Variants in RMND5A observed in about 807,000 individuals in gnomAD.
RMND5A encodes the protein required for meiotic nuclear division 5 homolog A.
Under a neutral mutation model 49.7 loss-of-function variants are expected in RMND5A, and 17 were observed. The ratio of observed to expected loss-of-function variants is 0.34; its 90% confidence interval spans 0.23 to 0.51. RMND5A has a LOEUF of 0.51. Ranked by LOEUF, RMND5A falls within the 20% of genes least tolerant of loss-of-function variation. The probability of loss-of-function intolerance (pLI) is 0.96; values close to 1 mark genes in which losing one functional copy is unlikely to be tolerated. For missense variants in RMND5A, 255 were observed against 471.3 expected (o/e 0.54, Z 4.25); for synonymous variants, 156 against 167.7 (o/e 0.93, Z 0.54).
intron 2 of RMND5A, among the ~76,000 whole-genome samples, chr2:86,745,508 CATGTTTA>C (rs1211115144): frequency 1.3e-5 from 2 of 152,140 alleles, no homozygotes; most frequent in Non-Finnish European, 2.9e-5. Context: ...ATGCCTGACT[CATGTTTA>C]AGATGCTTCA....
At chr2:86,767,065 T>G (rs1372607086) in intron 6 of RMND5A, among the ~76,000 whole-genome samples, 1 of 152,130 alleles carries the variant, frequency 6.6e-6, no homozygotes, top group Non-Finnish European at 1.5e-5. Flanking sequence ...TTGTTACTTG[T>G]TTTTTTCTTG....
chr2:86,751,090 G>T (rs548895734), intron 2 of RMND5A, among the ~76,000 whole-genome samples: 1 of 152,208 alleles, frequency 6.6e-6, no homozygotes, highest in Non-Finnish European at 1.5e-5. Context: ...GCAGTATCTT[G>T]AACATTTTGA....
chr2:86,745,443 A>C (rs1287157046), intron 2 of RMND5A, among the ~76,000 whole-genome samples: 1 of 152,226 alleles, frequency 6.6e-6, no homozygotes. Flanking sequence ...GCAGCAGAAC[A>C]GTGAGATGAG....
intron 4 of RMND5A, among the ~76,000 whole-genome samples, chr2:86,754,654 C>A (rs1392754806): frequency 1.3e-5 from 2 of 151,784 alleles, no homozygotes. Flanking sequence ...CCAGCCCCAA[C>A]CCCCCAACCT....
At chr2:86,767,150 A>C (rs1442623199) in intron 6 of RMND5A, among the ~76,000 whole-genome samples, 1 of 151,962 alleles carries the variant, frequency 6.6e-6, no homozygotes, top group East Asian at 1.9e-4. Context: ...TGCAGCCTCC[A>C]CCTCTTGGGT....
At chr2:86,740,748 T>C (rs528597712) in intron 1 of RMND5A, among the ~76,000 whole-genome samples, 179 bp from the exon 2 acceptor site, 6 of 151,576 alleles carry the variant, frequency 4.0e-5, no homozygotes, top group Non-Finnish European at 8.9e-5. Context: ...AAAAAAATTA[T>C]ATCTTTCTGA....
intron 1 of RMND5A, among the ~76,000 whole-genome samples, chr2:86,723,916 T>C (rs963863095): frequency 6.6e-6 from 1 of 151,584 alleles, no homozygotes; most frequent in African/African-American, 2.4e-5. Context: ...TGAAATTCTT[T>C]TACATAAAAT....
chr2:86,749,494 G>A (rs1482457834), intron 2 of RMND5A, among the ~76,000 whole-genome samples: 2 of 151,682 alleles, frequency 1.3e-5, no homozygotes, highest in African/African-American at 4.8e-5. Context: ...GGGTTCAAGC[G>A]ATTCTCCTTC....
Position 86,774,796 on chromosome 2 carries a change from G to A in RMND5A, c.*1385G>A, listed in dbSNP as rs1320268551. ...AAAACACAGAAGCAAAGAGAAATGT[G>A]GCACTTCACATTTTAAACTACAGAT... is the stretch of plus-strand genomic sequence containing the variant. On this transcript the variant is annotated 3_prime_UTR_variant, in exon 9 of 9. Coordinates refer to ENST00000283632, the MANE Select transcript of RMND5A (RefSeq NM_022780.4). 6.6e-6 allele frequency: 1 copy of A among 152,636 alleles called. No homozygotes were observed. Among genetic ancestry groups the A allele is most frequent in the Non-Finnish European group, 1.5e-5 (1 of 68,044 alleles). The allele number at this position is 152,636 out of a possible 1,614,324, so 9.5% of individuals were successfully genotyped here. A position where few individuals can be genotyped will look rare whatever the true frequency, so the allele number is the denominator to read the frequency against.
chr2:86,765,537 A>G, intron 5 of RMND5A: 1 of 349,282 alleles, frequency 2.9e-6, no homozygotes, highest in South Asian at 4.4e-5. Flanking sequence ...AACCCCACGA[A>G]ACTGTGTAGG....
In RMND5A at chr2:86,744,324, G is replaced by T. The variant is rs572379839; in HGVS notation, c.285+3255G>T. 7.2e-5 allele frequency among the ~76,000 whole-genome samples: 11 copies of T among 152,312 alleles called. No homozygotes were observed. In the South Asian group the frequency reaches 2.1e-3, roughly 29 times the overall value. On this transcript the variant is annotated intron_variant, in intron 2 of 8. Coordinates refer to ENST00000283632, the MANE Select transcript of RMND5A (RefSeq NM_022780.4). ...TTGTGTAAGCTCTGGGCAGCCTGTT[G>T]TAAAGGCTGGGTGGACCTGATTGGT...
At position 86,775,771 on chromosome 2, in the gene RMND5A, T is replaced by G. The variant is rs909638742; in HGVS notation, c.*2360T>G. ...TGTGACCGTCTTCAAGTGCATGGAC[T>G]TAAAATTCATGAGAGACTAAATGTG... is the stretch of plus-strand genomic sequence containing the variant. On this transcript the variant is annotated 3_prime_UTR_variant, in exon 9 of 9. Transcript: ENST00000283632. 6.6e-6 allele frequency: 1 copy of G among 152,180 alleles called. No individual in the cohort carries two copies. The highest frequency in any genetic ancestry group is 2.4e-5 in the African/African-American group (1 of 41,434). 9.4% of individuals were successfully genotyped at this position (152,180 alleles called of 1,614,324 possible).
rs1681806311 is a variant in RMND5A at position 86,759,513 on chromosome 2, A to T, written c.522-5514A>T. On this transcript the variant is annotated intron_variant, in intron 4 of 8. Transcript: ENST00000283632. ...GTTTCTCTAAATGGAGTAATTCCAA[A>T]GGTGACAGTGTTCTCGTGGTCCACG... Among the ~76,000 whole-genome samples, 6 of 152,172 alleles carry T rather than the reference A, an allele frequency of 3.9e-5. No homozygotes were observed. The South Asian group carries it at 1.2e-3, about 32-fold the overall frequency.
rs1306664335 is a variant in RMND5A at position 86,773,280 on chromosome 2, C to G, written c.1113-68C>G. 3 of 816,438 alleles carry G rather than the reference C, an allele frequency of 3.7e-6. No individual in the cohort carries two copies. The East Asian group carries it at 7.5e-5, about 20-fold the overall frequency. The allele number at this position is 816,438 out of a possible 1,614,324, so 50.6% of individuals were successfully genotyped here. On this transcript the variant is annotated intron_variant, in intron 8 of 8. Transcript: ENST00000283632. ...TATAATTGTTAAAGATACTCTATAA[C>G]TAGATAAAAATTGAATACACAGTAC...
rs1170225928 is a variant in RMND5A at position 86,752,153 on chromosome 2, T to G, written c.420+123T>G. ...TATAGATAGATTTTTAATATTTAAATTATCAGAGATGACCTCATTTTACTA... is the reference window on the plus strand; with the variant it reads ...TATAGATAGATTTTTAATATTTAAAGTATCAGAGATGACCTCATTTTACTA... On this transcript the variant is annotated intron_variant, in intron 3 of 8. Coordinates refer to ENST00000283632, the MANE Select transcript of RMND5A (RefSeq NM_022780.4). The G allele has an allele frequency of 4.7e-6, 4 of 857,694 alleles. No individual in the cohort carries two copies. The East Asian group carries it at 1.1e-4, about 25-fold the overall frequency. The allele number at this position is 857,694 out of a possible 1,614,324, so 53.1% of individuals were successfully genotyped here.
chr2:86,737,628 A>G (rs1251156365), intron 1 of RMND5A, among the ~76,000 whole-genome samples: 1 of 109,088 alleles, frequency 9.2e-6, no homozygotes, highest in Non-Finnish European at 1.8e-5. Context: ...CTCCAGCACT[A>G]ACACTGCTGT....
chr2:86,729,045 C>T lies in RMND5A; in HGVS notation c.142+8236C>T, dbSNP rs1349595906. On this transcript the variant is annotated intron_variant, in intron 1 of 8. Transcript: ENST00000283632. ...CTAGGATTATAGGCGTGAGCCACCACGCCGGGCCCAAGCACTGTTTAATTG... is the reference window on the plus strand; with the variant it reads ...CTAGGATTATAGGCGTGAGCCACCATGCCGGGCCCAAGCACTGTTTAATTG... Among the ~76,000 whole-genome samples the T allele has an allele frequency of 2.6e-5, 4 of 152,154 alleles. No individual in the cohort carries two copies. In the East Asian group the frequency reaches 5.8e-4, roughly 22 times the overall value.
intron 4 of RMND5A, among the ~76,000 whole-genome samples, chr2:86,753,888 G>A (rs1289914667): frequency 1.3e-5 from 2 of 152,146 alleles, no homozygotes; most frequent in African/African-American, 4.8e-5. Flanking sequence ...TGATATTTAA[G>A]CTTCCTTCAT....
chr2:86,743,458 TG>T lies in RMND5A; in HGVS notation c.285+2390del, dbSNP rs141078043. 6.6e-3 allele frequency among the ~76,000 whole-genome samples: 980 copies of T among 148,504 alleles called. 8 individuals carry two copies. Among genetic ancestry groups the T allele is most frequent in the African/African-American group, 0.023 (921 of 39,946 alleles). The stretch of plus-strand genomic sequence containing the variant: ...AAAAAATTGGGGTGTTTTTGGTTTT[TG>T]TTTTTGTTTCTGTTTTTGTTTTGAG... On this transcript the variant is annotated intron_variant, in intron 2 of 8. Coordinates refer to ENST00000283632, the MANE Select transcript of RMND5A (RefSeq NM_022780.4).
Sources: gnomAD v4.1 joint callset for allele counts (sites outside exome capture counted in the v4.1 genomes callset) on GRCh38, gnomAD v4.1.1 for gene constraint, MANE v1.5 for transcripts, NCBI Gene and HGNC (gene_info 2026-07-23, HGNC 2026-07-21) for gene names.